ANKRD13C: variants seen among roughly 807,000 people sequenced by gnomAD.
ANKRD13C encodes the protein ankyrin repeat domain 13C.
A neutral mutation model predicts 65.5 loss-of-function variants in ANKRD13C; 16 were observed. That is an observed-to-expected ratio of 0.24 (90% CI 0.17 to 0.37). ANKRD13C has a LOEUF of 0.37. Ranked by LOEUF, ANKRD13C falls within the 10% of genes least tolerant of loss-of-function variation. ANKRD13C has a pLI of 1.00. For synonymous variants in ANKRD13C, 235 were observed against 238.7 expected (o/e 0.98, Z 0.14); for missense variants, 503 against 655.9 (o/e 0.77, Z 2.55).
rs1300215585 is a variant in ANKRD13C, at chr1:70,261,629, TAGG to T, written c.*1085_*1087del. 1 of 152,434 alleles carries T rather than the reference TAGG, an allele frequency of 6.6e-6. No individual in the cohort carries two copies. Among genetic ancestry groups the T allele is most frequent in the Admixed American group, 6.6e-5 (1 of 15,258 alleles). The allele number at this position is 152,434 out of a possible 1,614,324, so 9.4% of individuals were successfully genotyped here. On this transcript the variant is annotated 3_prime_UTR_variant, in exon 13 of 13. Coordinates refer to ENST00000370944, the MANE Select transcript of ANKRD13C (RefSeq NM_030816.5). ...TTTTCCTGTGATTTAAAAAAAATAA[TAGG>T]AGTAATCAATCTTGTGTATACTTCT...
chr1:70,354,157 G>A lies in ANKRD13C; in HGVS notation c.252C>T (p.Ser84=), dbSNP rs1340034561. The A allele has an allele frequency of 1.9e-6, 3 of 1,614,150 alleles. No individual in the cohort carries two copies. The highest frequency in any genetic ancestry group is 2.2e-5 in the East Asian group (1 of 44,890). ...GAPALPLHNS[S]VTANSQSPAL... ...CCGGGGACTGGGAGTTGGCAGTCAC[G>A]GAGGAATTGTGCAGCGGCAGAGCCG... The change falls in exon 1 of 13, where the codon TCC becomes TCT. Residue 84 remains serine (S), a synonymous_variant. Transcript: ENST00000370944.
intron 5 of ANKRD13C, among the ~76,000 whole-genome samples, chr1:70,308,701 T>C (rs1680700276): frequency 6.9e-6 from 1 of 145,534 alleles, no homozygotes; most frequent in Admixed American, 7.1e-5. Flanking sequence ...ATTGCGCCAC[T>C]GTGCTCCAGC....
chr1:70,296,075 G>C (rs959705941), intron 8 of ANKRD13C, 55 bp downstream of exon 8: 53 of 1,566,634 alleles, frequency 3.4e-5, no homozygotes, highest in Non-Finnish European at 4.5e-5. Context: ...CGTTATTTTG[G>C]AAATATTAAA....
intron 9 of ANKRD13C, among the ~76,000 whole-genome samples, chr1:70,288,483 C>A (rs1395895533): frequency 6.6e-6 from 1 of 152,080 alleles, no homozygotes; most frequent in East Asian, 1.9e-4. Flanking sequence ...CCAAAACAAC[C>A]CAGATGTTCT....
At chr1:70,284,728 C>T (rs1363924796) in intron 9 of ANKRD13C, among the ~76,000 whole-genome samples, 1 of 152,180 alleles carries the variant, frequency 6.6e-6, no homozygotes, top group African/African-American at 2.4e-5. Flanking sequence ...TGGGCAATGG[C>T]ACTCACCTCT....
At chr1:70,320,662 A>T (rs1382912464) in intron 3 of ANKRD13C, among the ~76,000 whole-genome samples, 1 of 151,494 alleles carries the variant, frequency 6.6e-6, no homozygotes, top group East Asian at 2.0e-4. Flanking sequence ...GAGTGATATT[A>T]TTTTCTTTTC....
intron 2 of ANKRD13C, among the ~76,000 whole-genome samples, chr1:70,333,753 G>A (rs1681905175): frequency 6.6e-6 from 1 of 152,124 alleles, no homozygotes. Context: ...CACGAAAAAG[G>A]AGAATACCGC....
intron 1 of ANKRD13C, among the ~76,000 whole-genome samples, chr1:70,351,622 A>G (rs1156550261): frequency 2.0e-5 from 3 of 151,086 alleles, no homozygotes; most frequent in Non-Finnish European, 4.4e-5. Context: ...CTGGTCTTGA[A>G]CTCCTGACCT....
chr1:70,310,013 A>C (rs1449568265), intron 5 of ANKRD13C, among the ~76,000 whole-genome samples: 2 of 152,166 alleles, frequency 1.3e-5, no homozygotes, highest in Non-Finnish European at 2.9e-5. Flanking sequence ...AATAAAGCTC[A>C]GAAAACATAT....
At chr1:70,296,361 A>G (rs1680081998) in intron 7 of ANKRD13C, 100 bp from the exon 8 acceptor site, 3 of 1,181,114 alleles carry the variant, frequency 2.5e-6, no homozygotes, top group South Asian at 3.2e-5. Context: ...ACCAATTTTT[A>G]AAGACAAAAA....
chr1:70,286,287 T>G (rs115933285), intron 9 of ANKRD13C, among the ~76,000 whole-genome samples: 3,125 of 152,278 alleles, frequency 0.021, 95 homozygotes, highest in Admixed American at 0.08. Flanking sequence ...CAAATGCAAT[T>G]CTTCGATTCC....
At chr1:70,275,584 T>C (rs1479853146) in intron 10 of ANKRD13C, among the ~76,000 whole-genome samples, 1 of 152,058 alleles carries the variant, frequency 6.6e-6, no homozygotes, top group Admixed American at 6.6e-5. Flanking sequence ...AACTACATTC[T>C]GGTTTGGTAT....
At chr1:70,297,725 C>T (rs1419794655) in intron 7 of ANKRD13C, among the ~76,000 whole-genome samples, 2 of 149,404 alleles carry the variant, frequency 1.3e-5, no homozygotes, top group African/African-American at 2.5e-5. Flanking sequence ...ACCATTCTGG[C>T]TAACATGGTG....
At chr1:70,323,073 C>A (rs1407237171) in intron 3 of ANKRD13C, among the ~76,000 whole-genome samples, 1 of 152,090 alleles carries the variant, frequency 6.6e-6, no homozygotes, top group East Asian at 1.9e-4. Flanking sequence ...CCTCTCCATT[C>A]TGTTAATTAG....
chr1:70,264,784 T>A (rs1176849375), intron 12 of ANKRD13C, among the ~76,000 whole-genome samples: 1 of 152,124 alleles, frequency 6.6e-6, no homozygotes, highest in African/African-American at 2.4e-5. Context: ...TGATGATGAC[T>A]ATCTAGAAAA....
chr1:70,329,655 T>C (rs1681696734), intron 2 of ANKRD13C, among the ~76,000 whole-genome samples: 6 of 152,190 alleles, frequency 3.9e-5, no homozygotes, highest in Admixed American at 3.9e-4. Context: ...TCAGCAATGT[T>C]TCTGATATGC....
chr1:70,313,527 CAAA>C (rs375377368), intron 5 of ANKRD13C, among the ~76,000 whole-genome samples: 14 of 69,088 alleles, frequency 2.0e-4, no homozygotes, highest in Non-Finnish European at 2.2e-4. Context: ...GAACTTGTCT[CAAA>C]AAAAAAAAAA....
intron 9 of ANKRD13C, among the ~76,000 whole-genome samples, chr1:70,286,010 T>C (rs1422388030): frequency 6.6e-6 from 1 of 151,876 alleles, no homozygotes; most frequent in Non-Finnish European, 1.5e-5. Context: ...TGACCACTAT[T>C]ATATATATAT....
chr1:70,305,404 T>C (rs1195931604), intron 6 of ANKRD13C, among the ~76,000 whole-genome samples: 1 of 152,144 alleles, frequency 6.6e-6, no homozygotes, highest in Non-Finnish European at 1.5e-5. Context: ...ATTAAGACTT[T>C]ATATGAGATA....
Sources: allele counts gnomAD v4.1 joint callset (sites outside exome capture counted in the v4.1 genomes callset), GRCh38; gene constraint gnomAD v4.1.1; transcripts MANE v1.5; gene names NCBI Gene and HGNC (gene_info 2026-07-23, HGNC 2026-07-21).